Variants in EME1 observed in about 807,000 individuals in gnomAD.
EME1 encodes structure-specific endonuclease subunit EME1.
Under a neutral mutation model 59.1 loss-of-function variants are expected in EME1, and 61 were observed. That is an observed-to-expected ratio of 1.03 (90% CI 0.84 to 1.28). The LOEUF is 1.28. Among genes scored for constraint, EME1 ranks in the 50% most tolerant of loss-of-function variants. The probability of loss-of-function intolerance (pLI) is 0.00; values close to 1 mark genes in which losing one functional copy is unlikely to be tolerated. For missense variants in EME1, 635 were observed against 682.6 expected (o/e 0.93, Z 0.78); for synonymous variants, 230 against 254.2 (o/e 0.90, Z 0.90).
At chr17:50,380,205 C>G in intron 7 of EME1, 107 bp from the exon 8 acceptor site, 11 of 1,151,076 alleles carry the variant, frequency 9.6e-6, no homozygotes, top group Non-Finnish European at 1.3e-5. Context: ...TGTAACATGG[C>G]GCCCACCTCT....
At chr17:50,380,259 C>T in intron 7 of EME1, 53 bp from the exon 8 acceptor site, 2 of 1,522,540 alleles carry the variant, frequency 1.3e-6, no homozygotes, top group Non-Finnish European at 1.8e-6. Flanking sequence ...TTGAGGGGAA[C>T]AGGTGTAGAA....
chr17:50,379,267 G>A, intron 6 of EME1, 43 bp downstream of exon 6: 1 of 1,612,418 alleles, frequency 6.2e-7, no homozygotes, highest in South Asian at 1.1e-5. Context: ...GTACTCACTG[G>A]TCACCTGAGA....
chr17:50,378,543 C>T (rs1437244105), intron 3 of EME1, 52 bp from the exon 4 acceptor site: 1 of 1,589,564 alleles, frequency 6.3e-7, no homozygotes, highest in Non-Finnish European at 8.6e-7. Context: ...CTCACAGGTG[C>T]TCAATACCTG....
chr17:50,379,782 T>A, intron 7 of EME1: 1 of 536,858 alleles, frequency 1.9e-6, no homozygotes, highest in Non-Finnish European at 3.3e-6. Context: ...TATATGTAAG[T>A]ATGTGTTCTG....
intron 6 of EME1, 92 bp downstream of exon 6, chr17:50,379,316 G>A: frequency 2.5e-6 from 4 of 1,596,130 alleles, no homozygotes; most frequent in Non-Finnish European, 3.4e-6. Flanking sequence ...GCTGCGTACT[G>A]TTTTCTGCCT....
At chr17:50,374,853 A>AG (rs1913371303) in intron 1 of EME1, among the ~76,000 whole-genome samples, 1 of 152,108 alleles carries the variant, frequency 6.6e-6, no homozygotes, top group Non-Finnish European at 1.5e-5. Context: ...CAAAAAAAAA[A>AG]AAGAAGAACT....
intron 3 of EME1, among the ~76,000 whole-genome samples, chr17:50,377,315 T>G (rs751421675): frequency 1.3e-5 from 2 of 152,084 alleles, no homozygotes; most frequent in Non-Finnish European, 2.9e-5. Context: ...GTGGGGAAAC[T>G]GGGGCTCAGA....
chr17:50,376,667 G>A (rs1913487779), intron 3 of EME1, among the ~76,000 whole-genome samples: 1 of 152,206 alleles, frequency 6.6e-6, no homozygotes, highest in Non-Finnish European at 1.5e-5. Flanking sequence ...GAAGGGATGA[G>A]GGGAAGGAGT....
chr17:50,374,815 A>G (rs1385604069), intron 1 of EME1, among the ~76,000 whole-genome samples: 2 of 152,050 alleles, frequency 1.3e-5, no homozygotes, highest in Non-Finnish European at 2.9e-5. Flanking sequence ...CTGCACTCCA[A>G]CGTGGGTGCC....
chr17:50,376,034 C>G, intron 2 of EME1, 32 bp from the exon 3 acceptor site: 1 of 1,609,238 alleles, frequency 6.2e-7, no homozygotes, highest in Non-Finnish European at 8.5e-7. Flanking sequence ...TTCTGGACCC[C>G]CCACTGACAG....
chr17:50,380,988 CA>C lies in EME1; in HGVS notation c.*51del, dbSNP rs1651583254. 6.3e-7 allele frequency: 1 copy of C among 1,599,676 alleles called. No individual in the cohort carries two copies. Among genetic ancestry groups the C allele is most frequent in the Non-Finnish European group, 8.6e-7 (1 of 1,169,150 alleles). On this transcript the variant is annotated 3_prime_UTR_variant, in exon 9 of 9. Coordinates refer to ENST00000338165, the MANE Select transcript of EME1 (RefSeq NM_152463.4). ...GAAAAGCTGGAAACTTCCACTTCCC[CA>C]ACCTCAGAGCCTGACTGTAATGAAG...
chr17:50,378,651 A>T lies in EME1; in HGVS notation c.960A>T (p.Ala320=). 1 of 1,614,160 alleles carries T rather than the reference A, an allele frequency of 6.2e-7. No individual in the cohort carries two copies. The change falls in exon 4 of 9, where the codon GCA becomes GCT. Residue 320 remains alanine (A), a synonymous_variant. Transcript: ENST00000338165. ...PTVLVLLRAE[A]FVSMIDNGKQ... The stretch of plus-strand genomic sequence containing the variant: ...TACTGGTGTTGCTCCGGGCAGAGGC[A>T]TTTGTGTCCATGATCGACAATGGAA...
chr17:50,375,701 C>G lies in EME1; in HGVS notation c.493C>G (p.Pro165Ala), dbSNP rs1913423321. 8.1e-6 allele frequency: 13 copies of G among 1,613,976 alleles called. No individual in the cohort carries two copies. The highest frequency in any genetic ancestry group is 1.3e-5 in the African/African-American group (1 of 74,908). ...AADNKDLILD[P>A]CCQLPAYLST... ...AGATAACAAGGACCTGATCTTAGAT[C>G]CATGCTGTCAGCTTCCAGCCTACCT... The change falls in exon 2 of 9, where the codon CCA becomes GCA. Residue 165 changes from proline (P) to alanine (A), a missense_variant. Physicochemically the swap from Pro to Ala is conservative, Grantham distance 27. Transcript: ENST00000338165.
rs1913666954 is a variant in EME1 at position 50,379,458 on chromosome 17, G to A, written c.1237G>A (p.Val413Met). The A allele has an allele frequency of 1.2e-6, 2 of 1,613,942 alleles. No individual in the cohort carries two copies. The highest frequency in any genetic ancestry group is 8.5e-7 in the Non-Finnish European group (1 of 1,180,004). ...VSRVDAEEAL[V>M]DLQLHTEAQA... ...GTTGCTTTTGGGTTTCTAGGCATTG[G>A]TGGATCTGCAGCTACACACAGAAGC... Residue 413 changes from valine to methionine, a missense_variant, in exon 7 of 9, where the codon GTG becomes ATG. Transcript: ENST00000338165.
chr17:50,378,376 TC>T (rs1200278983), intron 3 of EME1, among the ~76,000 whole-genome samples: 1 of 152,198 alleles, frequency 6.6e-6, no homozygotes, highest in Non-Finnish European at 1.5e-5. Context: ...TATGTTCCTT[TC>T]TTATTCACTG....
intron 1 of EME1, chr17:50,374,930 TC>T (rs531963896): frequency 3.3e-6 from 1 of 302,808 alleles, no homozygotes; most frequent in Admixed American, 4.7e-5. Flanking sequence ...TGTTACCACC[TC>T]CCCCCATTAA....
At chr17:50,379,659 C>G in intron 7 of EME1, 92 bp downstream of exon 7, 1 of 1,082,356 alleles carries the variant, frequency 9.2e-7, no homozygotes, top group Non-Finnish European at 1.4e-6. Flanking sequence ...CCCCTCATCT[C>G]TGCAGTCAGC....
At chr17:50,379,012 A>C in intron 5 of EME1, 95 bp from the exon 6 acceptor site, 1 of 1,611,912 alleles carries the variant, frequency 6.2e-7, no homozygotes, top group Non-Finnish European at 8.5e-7. Flanking sequence ...CATCTCTAAC[A>C]AGTCCAGGGG....
At chr17:50,373,800 A>G (rs901382892) in intron 1 of EME1, among the ~76,000 whole-genome samples, 1 of 152,276 alleles carries the variant, frequency 6.6e-6, no homozygotes, top group Non-Finnish European at 1.5e-5. Flanking sequence ...CAGTGTTCAT[A>G]GCAGCATTAT....
Sources: gnomAD v4.1 joint callset for allele counts (sites outside exome capture counted in the v4.1 genomes callset) on GRCh38, gnomAD v4.1.1 for gene constraint, MANE v1.5 for transcripts, NCBI Gene and HGNC (gene_info 2026-07-23, HGNC 2026-07-21) for gene names.